The following CCL22 variants were observed in gnomAD, a reference collection of about 807,000 sequenced individuals.
CCL22 encodes the protein C-C motif chemokine 22.
A neutral mutation model predicts 7.6 loss-of-function variants in CCL22; 7 were observed. The observed-to-expected ratio is 0.92, with a 90% CI of 0.52 to 1.72. The LOEUF (loss-of-function observed/expected upper bound fraction) is 1.72, where lower values mean the gene tolerates loss of function less well. Ranked by LOEUF, CCL22 falls within the 40% of genes most tolerant of loss-of-function variation. The probability of loss-of-function intolerance (pLI) is 0.00; values close to 1 mark genes in which losing one functional copy is unlikely to be tolerated. For missense variants in CCL22, 115 were observed against 124.7 expected (o/e 0.92, Z 0.37); for synonymous variants, 55 against 47.2 (o/e 1.17, Z -0.68).
chr16:57,365,385 G>T lies in CCL22; in HGVS notation c.*1797G>T, dbSNP rs1322777921. On this transcript the variant is annotated 3_prime_UTR_variant, in exon 3 of 3. Transcript: ENST00000219235. ...TGAAAACAGAGTAAATACTTAAGAGGCCAAATAGATGAATGGAAGAATTTT... is the reference window on the plus strand; with the variant it reads ...TGAAAACAGAGTAAATACTTAAGAGTCCAAATAGATGAATGGAAGAATTTT... 6.6e-6 allele frequency: 1 copy of T among 152,228 alleles called. No individual in the cohort carries two copies. 9.4% of individuals were successfully genotyped at this position (152,228 alleles called of 1,614,324 possible).
chr16:57,360,249 T>C (rs1394344164), intron 1 of CCL22, among the ~76,000 whole-genome samples, 188 bp from the exon 2 acceptor site: 1 of 152,210 alleles, frequency 6.6e-6, no homozygotes. Flanking sequence ...GGACCCTAAG[T>C]GGCTTCTCAG....
chr16:57,358,351 G>A (rs181314607), upstream of CCL22, among the ~76,000 whole-genome samples: 171 of 152,298 alleles, frequency 1.1e-3, no homozygotes, highest in South Asian at 0.013. Context: ...CAGTAATGCC[G>A]TCATTAAGGG....
chr16:57,361,106 A>G (rs2146497386), intron 2 of CCL22, among the ~76,000 whole-genome samples: 1 of 152,168 alleles, frequency 6.6e-6, no homozygotes, highest in East Asian at 1.9e-4. Flanking sequence ...CTAAAAATAC[A>G]AAATTAGCTG....
chr16:57,362,569 T>C (rs1299452108), intron 2 of CCL22, among the ~76,000 whole-genome samples: 1 of 152,016 alleles, frequency 6.6e-6, no homozygotes, highest in Admixed American at 6.6e-5. Flanking sequence ...ATAAGACTCT[T>C]GGGGATTCTG....
chr16:57,359,842 G>A (rs868663424), intron 1 of CCL22, among the ~76,000 whole-genome samples: 20 of 151,830 alleles, frequency 1.3e-4, no homozygotes, highest in South Asian at 1.3e-3. Flanking sequence ...CATGCTGACC[G>A]GTCTTGTCTC....
At position 57,363,607 on chromosome 16, in the gene CCL22, C is replaced by A; in HGVS notation, c.*19C>A. ...CCAATGAAGAGCCTACTCTGATGAC[C>A]GTGGCCTTGGCTCCTCCAGGAAGGC... On this transcript the variant is annotated 3_prime_UTR_variant, in exon 3 of 3. Transcript: ENST00000219235. 1 of 1,570,012 alleles carries A rather than the reference C, an allele frequency of 6.4e-7. No homozygotes were observed. The highest frequency in any genetic ancestry group is 8.8e-7 in the Non-Finnish European group (1 of 1,140,158).
rs1902016597 is a variant in CCL22, at chr16:57,358,804, T to C, written c.-13T>C. On this transcript the variant is annotated 5_prime_UTR_variant, in exon 1 of 3. Transcript: ENST00000219235. ...CTTTGCAGACACCTGGGCTGAGACA[T>C]ACAGGACAGAGCATGGATCGCCTAC... 6.2e-7 allele frequency: 1 copy of C among 1,607,112 alleles called. No individual in the cohort carries two copies. Among genetic ancestry groups the C allele is most frequent in the East Asian group, 2.2e-5 (1 of 44,850 alleles).
At chr16:57,361,258 CAAAAAA>C (rs68168072) in intron 2 of CCL22, among the ~76,000 whole-genome samples, 47 of 114,688 alleles carry the variant, frequency 4.1e-4, no homozygotes, top group Non-Finnish European at 4.4e-4. Flanking sequence ...GACTCTGTCT[CAAAAAA>C]AAAAAAAAAA....
chr16:57,359,343 T>C (rs754284879), intron 1 of CCL22, among the ~76,000 whole-genome samples: 29 of 152,130 alleles, frequency 1.9e-4, no homozygotes, highest in Non-Finnish European at 3.2e-4. Flanking sequence ...GAGACACAGT[T>C]TCACTCTTGT....
chr16:57,360,064 A>G (rs1482402924), intron 1 of CCL22, among the ~76,000 whole-genome samples: 3 of 152,102 alleles, frequency 2.0e-5, no homozygotes, highest in African/African-American at 7.2e-5. Flanking sequence ...TATAAACAAG[A>G]ATTGCTCCCA....
chr16:57,362,914 G>A (rs1185077234), intron 2 of CCL22, among the ~76,000 whole-genome samples: 1 of 151,484 alleles, frequency 6.6e-6, no homozygotes, highest in Non-Finnish European at 1.5e-5. Context: ...AACTCTTGGG[G>A]ATTCTATTTC....
At chr16:57,358,329 T>C (rs223889), upstream of CCL22, among the ~76,000 whole-genome samples, 89,842 of 152,070 alleles carry the variant, frequency 0.59, 28,951 homozygotes, top group Non-Finnish European at 0.72. Context: ...GCCTCTCCCA[T>C]TGAAGAGAGA....
rs1214904614 is a variant in CCL22 at position 57,363,509 on chromosome 16, TA to T, written c.205del (p.Thr69ProfsTer16). ...CTGGGGTCTCCTTCTTCCAGGTTGC[TA>T]ACCTTCAGGGATAAGGAGATCTGTG... ...DSCPRPGVVL[L>X]TFRDKEICAD... On this transcript the variant is annotated frameshift_variant, in exon 3 of 3. Coordinates refer to ENST00000219235, the MANE Select transcript of CCL22 (RefSeq NM_002990.5). LOFTEE classifies it low-confidence loss of function (END_TRUNC). 3.7e-6 allele frequency: 6 copies of T among 1,611,636 alleles called. No homozygotes were observed. Among genetic ancestry groups the T allele is most frequent in the Non-Finnish European group, 5.1e-6 (6 of 1,177,934 alleles).
At chr16:57,361,794 T>G (rs1275699962) in intron 2 of CCL22, among the ~76,000 whole-genome samples, 1 of 152,168 alleles carries the variant, frequency 6.6e-6, no homozygotes, top group Non-Finnish European at 1.5e-5. Context: ...GGGCCTCTAT[T>G]ATCTTCTCAT....
In CCL22 at chr16:57,363,650, C is replaced by G. The variant is rs953083722; in HGVS notation, c.*62C>G. 2.0e-6 allele frequency: 2 copies of G among 1,013,636 alleles called. No homozygotes were observed. Among genetic ancestry groups the G allele is most frequent in the Non-Finnish European group, 3.1e-6 (2 of 638,738 alleles). 62.8% of individuals were successfully genotyped at this position (1,013,636 alleles called of 1,614,324 possible). A position where few individuals can be genotyped will look rare whatever the true frequency, so the allele number is the denominator to read the frequency against. ...AGGAAGGCTCAGGAGCCCTACCTCC[C>G]TGCCATTATAGCTGCTCCCCGCCAG... On this transcript the variant is annotated 3_prime_UTR_variant, in exon 3 of 3. Transcript: ENST00000219235.
At chr16:57,363,384 A>C (rs1902069872) in intron 2 of CCL22, 120 bp from the exon 3 acceptor site, 1 of 641,570 alleles carries the variant, frequency 1.6e-6, no homozygotes, top group Admixed American at 2.6e-5. Flanking sequence ...GTAGTAGGTG[A>C]CTCATAAATG....
chr16:57,358,828 A>G lies in CCL22; in HGVS notation c.12A>G (p.Leu4=), dbSNP rs1902016930. The part of the protein sequence containing the change: MDR[L]QTALLVVLVL... ...ATACAGGACAGAGCATGGATCGCCT[A>G]CAGACTGCACTCCTGGTTGTCCTCG... The change falls in exon 1 of 3, where the codon CTA becomes CTG. Residue 4 remains leucine, a synonymous_variant. Transcript: ENST00000219235. 1.2e-6 allele frequency: 2 copies of G among 1,613,644 alleles called. No individual in the cohort carries two copies. Among genetic ancestry groups the G allele is most frequent in the Non-Finnish European group, 1.7e-6 (2 of 1,179,616 alleles).
chr16:57,360,891 G>T (rs1433277409), intron 2 of CCL22, among the ~76,000 whole-genome samples: 1 of 152,190 alleles, frequency 6.6e-6, no homozygotes, highest in African/African-American at 2.4e-5. Context: ...GGCATCTAGG[G>T]TATTTGGGTA....
In CCL22 at chr16:57,363,645, C is replaced by T. The variant is rs1902073850; in HGVS notation, c.*57C>T. 2.8e-6 allele frequency: 3 copies of T among 1,070,026 alleles called. No individual in the cohort carries two copies. The highest frequency in any genetic ancestry group is 1.6e-5 in the African/African-American group (1 of 64,516). 66.3% of individuals were successfully genotyped at this position (1,070,026 alleles called of 1,614,324 possible). A position where few individuals can be genotyped will look rare whatever the true frequency, so the allele number is the denominator to read the frequency against. ...CCTCCAGGAAGGCTCAGGAGCCCTA[C>T]CTCCCTGCCATTATAGCTGCTCCCC... On this transcript the variant is annotated 3_prime_UTR_variant, in exon 3 of 3. Transcript: ENST00000219235.
Sources: allele counts gnomAD v4.1 joint callset (sites outside exome capture counted in the v4.1 genomes callset), GRCh38; gene constraint gnomAD v4.1.1; transcripts MANE v1.5; gene names NCBI Gene and HGNC (gene_info 2026-07-23, HGNC 2026-07-21).